The following ZC3H11A variants were observed in gnomAD, a reference collection of about 807,000 sequenced individuals.
ZC3H11A encodes the protein zinc finger CCCH-type containing 11A, also known as zinc finger CCCH domain-containing protein 11A.
ZC3H11A carries 22 observed loss-of-function variants against 90.8 expected under a neutral mutation model. The ratio of observed to expected loss-of-function variants is 0.24; its 90% CI spans 0.17 to 0.35. The LOEUF (loss-of-function observed/expected upper bound fraction) is 0.35. Among genes scored for constraint, ZC3H11A ranks in the 10% least tolerant of loss-of-function variants. The pLI, the probability that ZC3H11A is intolerant of heterozygous loss-of-function variation, is 1.00. For missense variants in ZC3H11A, 701 were observed against 964.9 expected, an observed-to-expected ratio of 0.73 and a Z score of 3.62; for synonymous variants, 294 against 339.8, an observed-to-expected ratio of 0.87 and a Z score of 1.48.
chr1:203,842,719 A>C (rs560562323), intron 12 of ZC3H11A, among the ~76,000 whole-genome samples: 55 of 151,614 alleles, frequency 3.6e-4, no homozygotes, highest in African/African-American at 1.3e-3. Context: ...TTTTGTAAAG[A>C]TATAAACATA....
chr1:203,842,491 T>G (rs1490399853), intron 12 of ZC3H11A, among the ~76,000 whole-genome samples: 2 of 151,198 alleles, frequency 1.3e-5, no homozygotes, highest in African/African-American at 2.4e-5. Flanking sequence ...CCAGGCACTC[T>G]GCAGGCTGAG....
chr1:203,846,059 T>C (rs1177770607), intron 12 of ZC3H11A, among the ~76,000 whole-genome samples: 1 of 146,720 alleles, frequency 6.8e-6, no homozygotes, highest in Non-Finnish European at 1.5e-5. Flanking sequence ...GAAGGATCAC[T>C]TGAAGCCAGG....
At chr1:203,831,358 C>G (rs1682305045) in intron 8 of ZC3H11A, among the ~76,000 whole-genome samples, 1 of 152,082 alleles carries the variant, frequency 6.6e-6, no homozygotes, top group Non-Finnish European at 1.5e-5. Context: ...TAGTGTACCT[C>G]TGAGGTTAAT....
At chr1:203,829,684 CA>C (rs751645945) in intron 6 of ZC3H11A, 30 bp downstream of exon 6, 2 of 1,613,180 alleles carry the variant, frequency 1.2e-6, no homozygotes, top group African/African-American at 2.7e-5. Context: ...TTCTTTAAGG[CA>C]AATAAATAGG....
chr1:203,818,511 A>T, intron 3 of ZC3H11A, 59 bp from the exon 4 acceptor site: 1 of 1,607,686 alleles, frequency 6.2e-7, no homozygotes, highest in Non-Finnish European at 8.5e-7. Context: ...CTTGTTATGG[A>T]TATTTTACCT....
At chr1:203,798,392 A>G (rs749320203) in intron 1 of ZC3H11A, 1 of 1,534,896 alleles carries the variant, frequency 6.5e-7, no homozygotes, top group South Asian at 1.2e-5. Context: ...TATGTAAAAG[A>G]AGTGTGAGCC....
intron 4 of ZC3H11A, among the ~76,000 whole-genome samples, chr1:203,827,350 C>CTT (rs200907717): frequency 2.1e-5 from 3 of 140,182 alleles, no homozygotes; most frequent in Non-Finnish European, 1.6e-5. Context: ...CACAGGTATT[C>CTT]TTTTTTTTTT....
chr1:203,847,060 CT>C (rs1179538698), intron 12 of ZC3H11A, 123 bp from the exon 13 acceptor site: 2 of 1,050,110 alleles, frequency 1.9e-6, no homozygotes, highest in Non-Finnish European at 2.8e-6. Context: ...CCTTTTGATC[CT>C]TTTAATTGCC....
intron 10 of ZC3H11A, chr1:203,836,026 A>C (rs1157255908): frequency 6.5e-6 from 1 of 153,798 alleles, no homozygotes; most frequent in Non-Finnish European, 1.5e-5. Context: ...AAACCAAACC[A>C]GGGTTCCAAA....
At chr1:203,826,233 T>C (rs1680466128) in intron 4 of ZC3H11A, among the ~76,000 whole-genome samples, 2 of 152,168 alleles carry the variant, frequency 1.3e-5, no homozygotes, top group South Asian at 4.1e-4. Flanking sequence ...TGCTGTACTT[T>C]TATTTTTACT....
rs59033094 is a variant in ZC3H11A at position 203,838,954 on chromosome 1, C to CA, written c.973+911dup. Among the ~76,000 whole-genome samples the CA allele has an allele frequency of 3.7e-3, 359 of 97,882 alleles. 8 individuals are homozygous for CA. Among genetic ancestry groups the CA allele is most frequent in the African/African-American group, 0.011 (268 of 23,370 alleles). 64.2% of individuals were successfully genotyped at this position (97,882 alleles called of 152,430 possible). A position where few individuals can be genotyped will look rare whatever the true frequency, so the allele number is the denominator to read the frequency against. On this transcript the variant is annotated intron_variant, in intron 11 of 17. Transcript: ENST00000367210. ...TGGGTGACCGAGTGAGACTTCATCT[C>CA]AAAAAAAAAAAAAAAAAAAAAGAAA... is the stretch of plus-strand genomic sequence containing the variant.
chr1:203,798,939 G>A, intron 1 of ZC3H11A: 2 of 1,536,088 alleles, frequency 1.3e-6, no homozygotes, highest in Non-Finnish European at 1.7e-6. Flanking sequence ...CTTAACTTTA[G>A]AGAATGTTCA....
intron 1 of ZC3H11A, chr1:203,799,259 C>G: frequency 2.6e-6 from 2 of 762,506 alleles, no homozygotes; most frequent in Non-Finnish European, 4.5e-6. Context: ...GTGGTTTTAC[C>G]CATGTGCCAT....
intron 10 of ZC3H11A, chr1:203,835,924 G>T: frequency 9.7e-6 from 2 of 205,892 alleles, no homozygotes; most frequent in South Asian, 9.2e-5. Context: ...CTTCCTTTAA[G>T]AAGTCCTGTT....
intron 2 of ZC3H11A, among the ~76,000 whole-genome samples, chr1:203,804,358 T>C (rs1671519641): frequency 6.6e-6 from 1 of 152,060 alleles, no homozygotes; most frequent in African/African-American, 2.4e-5. Flanking sequence ...TTCACCGTGT[T>C]AGACAGGATG....
At chr1:203,849,104 C>G (rs370938762) in intron 14 of ZC3H11A, among the ~76,000 whole-genome samples, 7 of 152,192 alleles carry the variant, frequency 4.6e-5, no homozygotes, top group Admixed American at 2.0e-4. Context: ...AGAGTGGTCT[C>G]GAACTTCTGG....
chr1:203,840,248 T>G, intron 11 of ZC3H11A, 58 bp from the exon 12 acceptor site: 1 of 1,555,092 alleles, frequency 6.4e-7, no homozygotes, highest in Non-Finnish European at 8.9e-7. Context: ...AAACCTGTAT[T>G]TAAGCTGTAA....
chr1:203,850,141 C>A, intron 15 of ZC3H11A, 115 bp downstream of exon 15: 1 of 857,104 alleles, frequency 1.2e-6, no homozygotes, highest in East Asian at 2.6e-5. Flanking sequence ...GCCTTCTATC[C>A]ACAGGTAGAT....
rs540614202 is a variant in ZC3H11A at position 203,822,709 on chromosome 1, C to T, written c.174+4020C>T. Among the ~76,000 whole-genome samples, 80 of 152,308 alleles carry T rather than the reference C, an allele frequency of 5.3e-4. 1 individual carries two copies. The highest frequency in any genetic ancestry group is 2.7e-3 in the South Asian group (13 of 4,828). On this transcript the variant is annotated intron_variant, in intron 4 of 17. Transcript: ENST00000367210. ...CTCAGGCTCAACACTTGTCAGGGTA[C>T]CCTTTCATGCACATGTCCTCTTAAC...
Sources: gnomAD v4.1 joint callset for allele counts (sites outside exome capture counted in the v4.1 genomes callset) on GRCh38, gnomAD v4.1.1 for gene constraint, MANE v1.5 for transcripts, NCBI Gene and HGNC (gene_info 2026-07-23, HGNC 2026-07-21) for gene names.